The following ITPR1 variants were observed in gnomAD, a reference collection of about 807,000 sequenced individuals.
ITPR1 encodes the protein inositol 1,4,5-trisphosphate-gated calcium channel ITPR1.
Under a neutral mutation model 318.4 loss-of-function variants are expected in ITPR1, and 96 were observed. The ratio of observed to expected loss-of-function variants is 0.30; its 90% confidence interval spans 0.26 to 0.36. The LOEUF is 0.36. ITPR1 is among the 10% of genes least tolerant of loss of function. The probability of loss-of-function intolerance (pLI) is 1.00; values close to 1 mark genes in which losing one functional copy is unlikely to be tolerated. For missense variants in ITPR1, 2,440 were observed against 3,460.2 expected (o/e 0.71, Z 7.40); for synonymous variants, 1,312 against 1,289.9 (o/e 1.02, Z -0.37).
rs114216241 is a variant in ITPR1 at position 4,791,895 on chromosome 3, G to A, written c.6809-3170G>A. Among the ~76,000 whole-genome samples the A allele has an allele frequency of 8.2e-3, 1,255 of 152,310 alleles. 8 individuals are homozygous for A. The highest frequency in any genetic ancestry group is 0.014 in the Admixed American group (209 of 15,296). On this transcript the variant is annotated intron_variant, in intron 52 of 61. Transcript: ENST00000649015. ...GGAGATGTATTTGTTGCCCATTGCTGCTATAACAAATTACCACAAAGCTTG... is the reference window on the plus strand; with the variant it reads ...GGAGATGTATTTGTTGCCCATTGCTACTATAACAAATTACCACAAAGCTTG...
intron 60 of ITPR1, among the ~76,000 whole-genome samples, chr3:4,827,264 C>T (rs1000642952): frequency 2.6e-5 from 4 of 152,180 alleles, no homozygotes; most frequent in Non-Finnish European, 4.4e-5. Flanking sequence ...ATTTGTAACT[C>T]CCCTGCTTCA....
chr3:4,744,950 C>CTCCCTCCTTCCTTCCT (rs2043983052), intron 44 of ITPR1, among the ~76,000 whole-genome samples: 3 of 58,364 alleles, frequency 5.1e-5, no homozygotes, highest in African/African-American at 1.9e-4. Flanking sequence ...CCTTCCTTCC[C>CTCCCTCCTTCCTTCCT]TCCCTCCCTC....
intron 39 of ITPR1, among the ~76,000 whole-genome samples, chr3:4,714,999 G>A (rs1436910302): frequency 1.3e-5 from 2 of 152,206 alleles, no homozygotes; most frequent in Non-Finnish European, 2.9e-5. Flanking sequence ...CTCTTGTCAT[G>A]TGCTAGCCAC....
intron 40 of ITPR1, among the ~76,000 whole-genome samples, chr3:4,723,102 C>G (rs1181174966): frequency 6.6e-6 from 1 of 152,182 alleles, no homozygotes; most frequent in African/African-American, 2.4e-5. Flanking sequence ...GAGCCGAGAT[C>G]ATGCCACTGC....
At chr3:4,795,743 C>A (rs2047857998) in intron 53 of ITPR1, among the ~76,000 whole-genome samples, 1 of 152,300 alleles carries the variant, frequency 6.6e-6, no homozygotes, top group South Asian at 2.1e-4. Context: ...ATTCACATAA[C>A]AAAACATGAT....
intron 4 of ITPR1, among the ~76,000 whole-genome samples, chr3:4,565,741 T>G (rs1170069241): frequency 1.3e-5 from 2 of 152,192 alleles, no homozygotes; most frequent in Admixed American, 6.5e-5. Context: ...CTATGCTAAG[T>G]GGAAATGTGA....
At chr3:4,526,630 T>C (rs1472059427) in intron 4 of ITPR1, among the ~76,000 whole-genome samples, 1 of 152,266 alleles carries the variant, frequency 6.6e-6, no homozygotes, top group Non-Finnish European at 1.5e-5. Context: ...AGCACTTCCT[T>C]TGAATTATCT....
At chr3:4,509,234 T>C (rs913057414) in intron 2 of ITPR1, among the ~76,000 whole-genome samples, 3 of 152,276 alleles carry the variant, frequency 2.0e-5, no homozygotes. Flanking sequence ...ACACAGCTGG[T>C]AATTTATGAG....
chr3:4,636,176 A>G (rs1411070354), intron 5 of ITPR1, among the ~76,000 whole-genome samples: 1 of 152,016 alleles, frequency 6.6e-6, no homozygotes, highest in Non-Finnish European at 1.5e-5. Context: ...GGATTTATAT[A>G]AAAACTAACA....
chr3:4,813,072 T>C (rs565364304), intron 56 of ITPR1, 70 bp from the exon 57 acceptor site: 42 of 1,074,694 alleles, frequency 3.9e-5, no homozygotes, highest in Non-Finnish European at 4.9e-5. Flanking sequence ...CAGCCGTGAA[T>C]TGGGGACTTC....
chr3:4,517,820 C>T (rs149434777), intron 3 of ITPR1, among the ~76,000 whole-genome samples: 57 of 152,314 alleles, frequency 3.7e-4, no homozygotes, highest in African/African-American at 1.3e-3. Context: ...CTGTTTTCAT[C>T]GTCTATGGTT....
At chr3:4,562,837 C>G (rs183446813) in intron 4 of ITPR1, among the ~76,000 whole-genome samples, 217 of 151,648 alleles carry the variant, frequency 1.4e-3, no homozygotes, top group African/African-American at 5.0e-3. Context: ...AACTTACATT[C>G]TAGTGGAGTG....
intron 42 of ITPR1, among the ~76,000 whole-genome samples, chr3:4,731,715 C>T (rs976183602): frequency 6.6e-6 from 1 of 152,090 alleles, no homozygotes; most frequent in African/African-American, 2.4e-5. Flanking sequence ...CAAGAGTTTC[C>T]TGCCTATCTC....
In ITPR1 at chr3:4,683,670, C is replaced by T; in HGVS notation, c.3370C>T (p.Gln1124Ter). 2 of 1,614,032 alleles carry T rather than the reference C, an allele frequency of 1.2e-6. No homozygotes were observed. The highest frequency in any genetic ancestry group is 8.5e-7 in the Non-Finnish European group (1 of 1,179,892). Residue 1124 changes from glutamine to a stop codon, truncating the protein, a stop_gained, in exon 28 of 62, where the codon CAG becomes TAG. Coordinates refer to ENST00000649015, the MANE Select transcript of ITPR1 (RefSeq NM_001378452.1). LOFTEE classifies it high-confidence loss of function. ...VTSQDVDNYK[Q>*]IKQDLDQLRS... ...CAGCCAAGATGTGGACAACTACAAA[C>T]AGATCAAACAAGACTTGGATCAACT... is the stretch of plus-strand genomic sequence containing the variant.
chr3:4,821,624 C>G (rs1326711232), intron 60 of ITPR1, among the ~76,000 whole-genome samples: 1 of 152,186 alleles, frequency 6.6e-6, no homozygotes, highest in African/African-American at 2.4e-5. Context: ...CCCTCCCTGC[C>G]TAGTCCCATG....
At chr3:4,540,618 C>T (rs2084350884) in intron 4 of ITPR1, among the ~76,000 whole-genome samples, 1 of 152,044 alleles carries the variant, frequency 6.6e-6, no homozygotes, top group African/African-American at 2.4e-5. Flanking sequence ...GACAGGGTCT[C>T]ACTCTGTCAC....
chr3:4,730,381 G>A (rs1379227787), intron 42 of ITPR1, among the ~76,000 whole-genome samples: 1 of 131,044 alleles, frequency 7.6e-6, no homozygotes, highest in Non-Finnish European at 1.7e-5. Flanking sequence ...ATGTGTGTGT[G>A]TGTGTGTGTG....
At position 4,676,604 on chromosome 3, in the gene ITPR1, C is replaced by A; in HGVS notation, c.2780-10C>A. The A allele has an allele frequency of 6.2e-7, 1 of 1,612,230 alleles. No homozygotes were observed. The highest frequency in any genetic ancestry group is 1.1e-5 in the South Asian group (1 of 90,804). ...ACATTGTGACCGTGGTCTCTCCTGGCCTTTCCTAGGCAGTAACGTGATGAG... is the reference window on the plus strand; with the variant it reads ...ACATTGTGACCGTGGTCTCTCCTGGACTTTCCTAGGCAGTAACGTGATGAG... On this transcript the variant is annotated splice_polypyrimidine_tract_variant and intron_variant, in intron 23 of 61. Transcript: ENST00000649015.
At chr3:4,832,654 T>C (rs896955558) in intron 60 of ITPR1, among the ~76,000 whole-genome samples, 2 of 152,214 alleles carry the variant, frequency 1.3e-5, no homozygotes, top group African/African-American at 4.8e-5. Flanking sequence ...AATTGACCTT[T>C]CTATCTGGTC....
Sources: allele counts gnomAD v4.1 joint callset (sites outside exome capture counted in the v4.1 genomes callset), GRCh38; gene constraint gnomAD v4.1.1; transcripts MANE v1.5; gene names NCBI Gene and HGNC (gene_info 2026-07-23, HGNC 2026-07-21).